Variants in SATB2 observed in about 807,000 individuals in gnomAD.
SATB2 encodes the protein SATB homeobox 2.
Under a neutral mutation model 73.4 loss-of-function variants are expected in SATB2, and 1 was observed. That is an observed-to-expected ratio of 0.01 (90% confidence interval 0.00 to 0.06). SATB2 has a LOEUF of 0.06. SATB2 is among the 10% of genes least tolerant of loss of function. SATB2 has a pLI of 1.00. For synonymous variants in SATB2, 397 were observed against 367.0 expected (o/e 1.08, Z -0.93); for missense variants, 459 against 945.8 (o/e 0.49, Z 6.75).
chr2:199,346,813 T>A (rs1688663188), intron 7 of SATB2: 1 of 152,002 alleles, frequency 6.6e-6, no homozygotes, highest in Admixed American at 6.6e-5. Context: ...CAATCCAATT[T>A]ACCAACATTT....
chr2:199,463,379 G>A lies in SATB2; in HGVS notation c.-141+1457C>T, dbSNP rs1396356717. ...CCCCAGCTCGGAGCTGCCGGGGTTG[G>A]GGCCCCGGGTGGCGCTCCCGACCCG... On this transcript the variant is annotated intron_variant, in intron 1 of 11. Transcript: ENST00000260926. The surrounding 1 kb of genome is among the most constrained non-coding windows in gnomAD (Gnocchi z 6.4). 1.3e-5 allele frequency among the ~76,000 whole-genome samples: 2 copies of A among 152,210 alleles called. No individual in the cohort carries two copies. Among genetic ancestry groups the A allele is most frequent in the East Asian group, 1.9e-4 (1 of 5,182 alleles).
rs190454580 is a variant in SATB2, at chr2:199,281,861, G to C, written c.1741-9189C>G. Among the ~76,000 whole-genome samples, 5 of 151,098 alleles carry C rather than the reference G, an allele frequency of 3.3e-5. No individual in the cohort carries two copies. The South Asian group carries it at 1.1e-3, about 32-fold the overall frequency. ...GTGCTCAGTATCTTTGTTCTGTGGCGCTGCATTCCATATTCTCTCTCTTTT... is the reference window on the plus strand; with the variant it reads ...GTGCTCAGTATCTTTGTTCTGTGGCCCTGCATTCCATATTCTCTCTCTTTT... On this transcript the variant is annotated intron_variant, in intron 10 of 10. Coordinates refer to ENST00000417098, the MANE Select transcript of SATB2 (RefSeq NM_001172509.2).
chr2:199,317,017 C>T (rs910774709), intron 9 of SATB2, among the ~76,000 whole-genome samples: 1 of 151,412 alleles, frequency 6.6e-6, no homozygotes, highest in Non-Finnish European at 1.5e-5. Flanking sequence ...ATATTGCAAA[C>T]TTCCTCAAGA....
upstream of SATB2, among the ~76,000 whole-genome samples, chr2:199,467,225 AG>A (rs1315058030): frequency 6.6e-6 from 1 of 152,246 alleles, no homozygotes; most frequent in Non-Finnish European, 1.5e-5. Context: ...CCGGTGGCTA[AG>A]GAGCCAGGTG....
rs745695602 is a variant in SATB2 at position 199,308,751 on chromosome 2, G to A, written c.1740+9C>T. The A allele has an allele frequency of 5.0e-6, 8 of 1,613,424 alleles. No homozygotes were observed. Among genetic ancestry groups the A allele is most frequent in the Non-Finnish European group, 5.9e-6 (7 of 1,179,420 alleles). ...GATCAGGTGGGGTACGGCGGTCGGG[G>A]ACACTGACCTGCACCGGCTCAGGGG... is the stretch of plus-strand genomic sequence containing the variant. On this transcript the variant is annotated intron_variant, in intron 10 of 10. Transcript: ENST00000417098. This position sits in a 1 kb window ranked among gnomAD's most constrained non-coding sequence, Gnocchi z 4.6.
Position 199,366,707 on chromosome 2 carries a change from TG to T in SATB2, c.700+1897del, listed in dbSNP as rs540951111. On this transcript the variant is annotated intron_variant, in intron 6 of 10. Transcript: ENST00000417098. ...CTCTTTGAATAGTATGTGTACACAG[TG>T]TCTGACAGCCTCTTCAGGTGTGGAT... Among the ~76,000 whole-genome samples, 747 of 151,620 alleles carry T rather than the reference TG, an allele frequency of 4.9e-3. 3 individuals carry two copies. The highest frequency in any genetic ancestry group is 6.9e-3 in the Middle Eastern group (2 of 288).
rs1691266081 is a variant in SATB2, at chr2:199,424,408, T to G, written c.346+8930A>C. 2.6e-5 allele frequency among the ~76,000 whole-genome samples: 4 copies of G among 152,332 alleles called. No homozygotes were observed. In the South Asian group the frequency reaches 6.2e-4, roughly 24 times the overall value. The stretch of plus-strand genomic sequence containing the variant: ...CCACCGAGCTCTTCTTCTGTCATAC[T>G]GTAAACAAAGGAAGTCCCCGACAGC... On this transcript the variant is annotated intron_variant, in intron 3 of 10. Transcript: ENST00000417098.
chr2:199,295,393 C>T (rs1574480617), intron 10 of SATB2, among the ~76,000 whole-genome samples: 2 of 150,858 alleles, frequency 1.3e-5, no homozygotes, highest in Admixed American at 6.6e-5. Flanking sequence ...GTTTCGCTGG[C>T]AAATATTTAA....
chr2:199,462,593 G>A (rs1263611962), upstream of SATB2, among the ~76,000 whole-genome samples: 1 of 152,150 alleles, frequency 6.6e-6, no homozygotes, highest in East Asian at 1.9e-4. The surrounding 1 kb of genome is among the most constrained non-coding windows in gnomAD (Gnocchi z 5.9). Context: ...TGGCATCAGA[G>A]CCGGACAAAT....
At chr2:199,427,655 T>C (rs1475514995) in intron 3 of SATB2, among the ~76,000 whole-genome samples, 1 of 152,018 alleles carries the variant, frequency 6.6e-6, no homozygotes, top group African/African-American at 2.4e-5. Flanking sequence ...GGATTGGCCA[T>C]GAATTTCTAA....
At chr2:199,309,140 C>G (rs1687523788) in intron 9 of SATB2, among the ~76,000 whole-genome samples, 183 bp from the exon 10 acceptor site, 1 of 152,212 alleles carries the variant, frequency 6.6e-6, no homozygotes, top group African/African-American at 2.4e-5. Context: ...GTGGTTATAC[C>G]AATGCCCAAG....
rs1285593032 is a variant in SATB2, at chr2:199,405,056, AT to A, written c.347-23237del. Among the ~76,000 whole-genome samples, 11 of 152,240 alleles carry A rather than the reference AT, an allele frequency of 7.2e-5. 1 individual carries two copies. Among genetic ancestry groups the A allele is most frequent in the Admixed American group, 7.2e-4 (11 of 15,290 alleles). ...GCATGGGCTGAATGTGAGTTGGCAA[AT>A]ATAATACCACAGAATGTACCCAGAA... On this transcript the variant is annotated intron_variant, in intron 3 of 10. Coordinates refer to ENST00000417098, the MANE Select transcript of SATB2 (RefSeq NM_001172509.2).
At chr2:199,373,663 A>G (rs2105856766) in intron 5 of SATB2, among the ~76,000 whole-genome samples, 1 of 152,294 alleles carries the variant, frequency 6.6e-6, no homozygotes, top group Middle Eastern at 3.4e-3. Context: ...AAGGCCTAGC[A>G]CAAGATGTGG....
intron 7 of SATB2, chr2:199,347,435 C>T (rs2105820991): frequency 6.6e-6 from 1 of 152,166 alleles, no homozygotes; most frequent in South Asian, 2.1e-4. Context: ...ATGTCTTTAC[C>T]TTAAAATAAT....
chr2:199,446,932 G>A (rs1691979937), intron 2 of SATB2, among the ~76,000 whole-genome samples: 1 of 152,032 alleles, frequency 6.6e-6, no homozygotes, highest in Non-Finnish European at 1.5e-5. Context: ...AGCGACAGAT[G>A]AAAGAAATAT....
At chr2:199,274,461 C>T (rs1365302581) in intron 10 of SATB2, among the ~76,000 whole-genome samples, 1 of 151,990 alleles carries the variant, frequency 6.6e-6, no homozygotes, top group African/African-American at 2.4e-5. Flanking sequence ...TAGAACTTAA[C>T]AAATATTAGG....
chr2:199,296,792 G>C (rs1389306812), intron 10 of SATB2, among the ~76,000 whole-genome samples: 1 of 152,168 alleles, frequency 6.6e-6, no homozygotes, highest in Non-Finnish European at 1.5e-5. Flanking sequence ...CCTAGGACTA[G>C]ACTCTATGTC....
chr2:199,423,129 G>A (rs945348092), intron 3 of SATB2, among the ~76,000 whole-genome samples: 2 of 152,096 alleles, frequency 1.3e-5, no homozygotes, highest in Admixed American at 6.5e-5. Context: ...AGTTCTAGAC[G>A]AAATGGAGAG....
At chr2:199,410,486 C>T (rs17266097) in intron 3 of SATB2, among the ~76,000 whole-genome samples, 43,293 of 152,146 alleles carry the variant, frequency 0.28, 7,894 homozygotes, top group Non-Finnish European at 0.4. Context: ...ATTTGTGCCT[C>T]GTTGATCAGA....
Sources: gnomAD v4.1 joint callset for allele counts (sites outside exome capture counted in the v4.1 genomes callset) on GRCh38, gnomAD v4.1.1 for gene constraint, Gnocchi (gnomAD v3.1) non-coding constraint, MANE v1.5 for transcripts, NCBI Gene and HGNC (gene_info 2026-07-23, HGNC 2026-07-21) for gene names.